Variants in DGKG observed in about 807,000 individuals in gnomAD.
DGKG encodes diacylglycerol kinase gamma.
In DGKG, 78 loss-of-function variants were observed where a neutral mutation model predicts 105.3. The ratio of observed to expected loss-of-function variants is 0.74; its 90% CI spans 0.62 to 0.89. The LOEUF (loss-of-function observed/expected upper bound fraction) is 0.89, where lower values mean the gene tolerates loss of function less well. Among genes scored for constraint, DGKG ranks in the 40% least tolerant of loss-of-function variants. The pLI, the probability that DGKG is intolerant of heterozygous loss-of-function variation, is 0.00. For synonymous variants in DGKG, 346 were observed against 367.1 expected (o/e 0.94, Z 0.66); for missense variants, 958 against 1,020.1 (o/e 0.94, Z 0.83).
intron 24 of DGKG, chr3:186,160,462 T>G: frequency 2.0e-6 from 2 of 985,438 alleles, no homozygotes; most frequent in Non-Finnish European, 2.4e-6. Context: ...AAAGCTATTA[T>G]TTGATATAGT....
At chr3:186,154,815 C>T (rs1441694405) in intron 24 of DGKG, among the ~76,000 whole-genome samples, 1 of 152,138 alleles carries the variant, frequency 6.6e-6, no homozygotes, top group Non-Finnish European at 1.5e-5. Context: ...TCAGCATCAC[C>T]TTGGAACTTG....
chr3:186,360,820 C>G (rs570245590), intron 1 of DGKG, among the ~76,000 whole-genome samples: 62 of 152,334 alleles, frequency 4.1e-4, no homozygotes, highest in African/African-American at 1.2e-3. Flanking sequence ...CTCATCATGA[C>G]CCCTGGTGTT....
At chr3:186,307,344 C>T (rs1350435126) in intron 2 of DGKG, among the ~76,000 whole-genome samples, 1 of 152,216 alleles carries the variant, frequency 6.6e-6, no homozygotes, top group East Asian at 1.9e-4. Context: ...TCCCTATTTA[C>T]TCTACGTTTC....
chr3:186,267,605 A>T, intron 13 of DGKG, 80 bp downstream of exon 13: 1 of 1,051,232 alleles, frequency 9.5e-7, no homozygotes, highest in South Asian at 1.3e-5. Flanking sequence ...CCTGGGAAGG[A>T]TGTGAATGTC....
chr3:186,298,353 A>C (rs1723699589), intron 3 of DGKG, 124 bp from the exon 4 acceptor site: 2 of 882,200 alleles, frequency 2.3e-6, no homozygotes, highest in East Asian at 5.4e-5. Flanking sequence ...TAGGACATGG[A>C]GGAGCTGATG....
chr3:186,147,924 GT>G lies in DGKG; in HGVS notation c.*2165del. ...TTAAAGATATTCTTCAGGTGGCCTG[GT>G]TTTCCCCTTACTTAGCATTCTGCAC... is the stretch of plus-strand genomic sequence containing the variant. On this transcript the variant is annotated 3_prime_UTR_variant, in exon 25 of 25. Coordinates refer to ENST00000265022, the MANE Select transcript of DGKG (RefSeq NM_001346.3). The G allele has an allele frequency of 3.0e-6, 3 of 985,326 alleles. No individual in the cohort carries two copies. The highest frequency in any genetic ancestry group is 3.6e-6 in the Non-Finnish European group (3 of 829,870). 61.0% of individuals were successfully genotyped at this position (985,326 alleles called of 1,614,324 possible).
chr3:186,244,774 G>A (rs528565688), intron 19 of DGKG, among the ~76,000 whole-genome samples: 6 of 152,120 alleles, frequency 3.9e-5, no homozygotes, highest in South Asian at 2.1e-4. Flanking sequence ...ATGGGTGCAC[G>A]GGTGAGATGT....
intron 2 of DGKG, among the ~76,000 whole-genome samples, chr3:186,311,832 G>A (rs1578817625): frequency 6.8e-6 from 1 of 147,912 alleles, no homozygotes; most frequent in Admixed American, 6.6e-5. Context: ...AGAACACAGA[G>A]TAGGCCGGGC....
chr3:186,233,776 C>T (rs1355260855), intron 20 of DGKG, among the ~76,000 whole-genome samples: 2 of 152,242 alleles, frequency 1.3e-5, no homozygotes, highest in Non-Finnish European at 2.9e-5. Context: ...AGCCACCACG[C>T]CCAGCCAGTA....
chr3:186,261,579 G>A (rs1253923927), intron 15 of DGKG, 120 bp downstream of exon 15: 6 of 737,098 alleles, frequency 8.1e-6, no homozygotes, highest in Non-Finnish European at 1.5e-5. Flanking sequence ...AAAGTGGCAG[G>A]TGGCAGTGCT....
chr3:186,227,616 A>G (rs963761053), intron 20 of DGKG, among the ~76,000 whole-genome samples: 1 of 152,202 alleles, frequency 6.6e-6, no homozygotes, highest in African/African-American at 2.4e-5. Context: ...GCGTTTCCTG[A>G]TAAGTACAGT....
rs1002476330 is a variant in DGKG at position 186,231,565 on chromosome 3, A to G, written c.1826+10939T>C. Reference sequence around the variant, plus strand: ...TATGGGTTGGAGCAGGACTGATTACATTGGGAAAACCACCTTTCTAAACAC... The same window carrying G: ...TATGGGTTGGAGCAGGACTGATTACGTTGGGAAAACCACCTTTCTAAACAC... On this transcript the variant is annotated intron_variant, in intron 20 of 24. Coordinates refer to ENST00000265022, the MANE Select transcript of DGKG (RefSeq NM_001346.3). The surrounding 1 kb of genome is among the most constrained non-coding windows in gnomAD (Gnocchi z 4.5). 1.3e-5 allele frequency among the ~76,000 whole-genome samples: 2 copies of G among 152,194 alleles called. No homozygotes were observed. Among genetic ancestry groups the G allele is most frequent in the Non-Finnish European group, 2.9e-5 (2 of 68,024 alleles).
intron 21 of DGKG, among the ~76,000 whole-genome samples, chr3:186,211,215 C>T (rs1404529180): frequency 6.6e-6 from 1 of 152,214 alleles, no homozygotes; most frequent in Non-Finnish European, 1.5e-5. Context: ...GATTTCAAGA[C>T]AGTGACAGCA....
In DGKG at chr3:186,210,720, T is replaced by C; in HGVS notation, c.1917+1075A>G. ...TCCTCCAGGGAGGCCCAGGCCCCAC[T>C]GGACTGCAGTGCGGGCTTAGAGGCC... On this transcript the variant is annotated intron_variant, in intron 21 of 24. Coordinates refer to ENST00000265022, the MANE Select transcript of DGKG (RefSeq NM_001346.3). This position sits in a 1 kb window ranked among gnomAD's most constrained non-coding sequence, Gnocchi z 5.2. The C allele has an allele frequency of 2.4e-6, 1 of 411,914 alleles. No individual in the cohort carries two copies. Among genetic ancestry groups the C allele is most frequent in the Non-Finnish European group, 4.8e-6 (1 of 208,954 alleles). 25.5% of individuals were successfully genotyped at this position (411,914 alleles called of 1,614,324 possible).
intron 1 of DGKG, among the ~76,000 whole-genome samples, chr3:186,330,754 T>A (rs73885847): frequency 0.056 from 8,496 of 152,246 alleles, 782 homozygotes; most frequent in African/African-American, 0.19. Flanking sequence ...CTAGCTGTGT[T>A]GTGAGACAAG....
intron 23 of DGKG, among the ~76,000 whole-genome samples, chr3:186,163,011 A>G (rs1440949435): frequency 6.6e-6 from 1 of 151,816 alleles, no homozygotes. Flanking sequence ...TTGGCATATG[A>G]ATTTTTTAAA....
At chr3:186,295,268 C>T (rs760344220) in intron 5 of DGKG, among the ~76,000 whole-genome samples, 8 of 152,050 alleles carry the variant, frequency 5.3e-5, no homozygotes, top group African/African-American at 7.2e-5. Flanking sequence ...TTTGGGAGGC[C>T]GAGGTGGGCA....
chr3:186,348,386 C>T (rs79239268), intron 1 of DGKG, among the ~76,000 whole-genome samples: 6,924 of 92,050 alleles, frequency 0.075, 650 homozygotes, highest in African/African-American at 0.25. Flanking sequence ...TTTTTTTTTT[C>T]CTTGTCTGAG....
At chr3:186,322,337 A>G (rs1426152525) in intron 1 of DGKG, among the ~76,000 whole-genome samples, 2 of 152,212 alleles carry the variant, frequency 1.3e-5, no homozygotes, top group Admixed American at 6.5e-5. Context: ...AGAAATCCAG[A>G]TACAGCACAT....
Sources: allele counts gnomAD v4.1 joint callset (sites outside exome capture counted in the v4.1 genomes callset), GRCh38; gene constraint gnomAD v4.1.1; non-coding constraint Gnocchi (gnomAD v3.1); transcripts MANE v1.5; gene names NCBI Gene and HGNC (gene_info 2026-07-23, HGNC 2026-07-21).